GULP1: variants seen among roughly 807,000 people sequenced by gnomAD.
GULP1 encodes PTB domain-containing engulfment adapter protein 1.
Under a neutral mutation model 40.9 loss-of-function variants are expected in GULP1, and 19 were observed. The ratio of observed to expected loss-of-function variants is 0.46; its 90% CI spans 0.32 to 0.68. The LOEUF (loss-of-function observed/expected upper bound fraction) is 0.68. Ranked by LOEUF, GULP1 falls within the 30% of genes least tolerant of loss-of-function variation. GULP1 has a pLI of 0.03. For synonymous variants in GULP1, 119 were observed against 117.6 expected (o/e 1.01, Z -0.08); for missense variants, 312 against 362.2 (o/e 0.86, Z 1.12).
chr2:188,511,571 C>G (rs1028885433), intron 4 of GULP1, among the ~76,000 whole-genome samples: 1 of 152,098 alleles, frequency 6.6e-6, no homozygotes, highest in African/African-American at 2.4e-5. Flanking sequence ...GACAAAAACT[C>G]GCTGCTTCTT....
chr2:188,323,307 A>G (rs1336599844), intron 1 of GULP1, among the ~76,000 whole-genome samples: 1 of 152,066 alleles, frequency 6.6e-6, no homozygotes, highest in Non-Finnish European at 1.5e-5. Context: ...ATCTCAGCAC[A>G]GAAGAAAGGC....
chr2:188,542,381 G>A (rs181757153), intron 7 of GULP1, among the ~76,000 whole-genome samples: 1 of 152,182 alleles, frequency 6.6e-6, no homozygotes, highest in Non-Finnish European at 1.5e-5. Flanking sequence ...TCTAGTTTCA[G>A]TATTGAGCTT....
At chr2:188,308,958 G>A (rs1185406090) in intron 1 of GULP1, among the ~76,000 whole-genome samples, 2 of 152,026 alleles carry the variant, frequency 1.3e-5, no homozygotes, top group African/African-American at 2.4e-5. Flanking sequence ...ATTAGAGTTC[G>A]TGTGTCTCTG....
chr2:188,352,357 G>A (rs1574640874), intron 1 of GULP1, among the ~76,000 whole-genome samples: 1 of 152,038 alleles, frequency 6.6e-6, no homozygotes, highest in African/African-American at 2.4e-5. Context: ...CTGGCCTTCA[G>A]ACTTGGACTG....
rs538998832 is a variant in GULP1 at position 188,291,989 on chromosome 2, G to A, written c.-349G>A. On this transcript the variant is annotated 5_prime_UTR_variant, in exon 1 of 12. Transcript: ENST00000409830. ...GGAGGGGGGAGAGAGCGCGAAGAGG[G>A]AGGGGACCGAAGCTGGAGGGTCCCG... 2.0e-5 allele frequency: 3 copies of A among 152,398 alleles called. No individual in the cohort carries two copies. The East Asian group carries it at 5.8e-4, about 30-fold the overall frequency. 9.4% of individuals were successfully genotyped at this position (152,398 alleles called of 1,614,324 possible).
chr2:188,580,124 A>T (rs1228676338), intron 9 of GULP1, among the ~76,000 whole-genome samples: 1 of 152,226 alleles, frequency 6.6e-6, no homozygotes, highest in Non-Finnish European at 1.5e-5. Flanking sequence ...TTTCTCACAA[A>T]GAGCTTACAA....
chr2:188,570,250 G>C, intron 9 of GULP1, 130 bp downstream of exon 9: 1 of 580,312 alleles, frequency 1.7e-6, no homozygotes, highest in South Asian at 2.2e-5. Flanking sequence ...TAGAGATGAA[G>C]GCTGCTAAGC....
chr2:188,500,498 G>A (rs2063334394), intron 4 of GULP1, among the ~76,000 whole-genome samples: 2 of 151,872 alleles, frequency 1.3e-5, no homozygotes, highest in East Asian at 3.9e-4. Context: ...TGATTTAGGA[G>A]AGTAAAAAGA....
intron 9 of GULP1, among the ~76,000 whole-genome samples, chr2:188,579,494 C>A (rs1700847578): frequency 6.6e-6 from 1 of 151,948 alleles, no homozygotes. Flanking sequence ...AGGGTAATTG[C>A]AATATCCATC....
intron 2 of GULP1, among the ~76,000 whole-genome samples, chr2:188,408,549 T>C (rs560621908): frequency 3.3e-5 from 5 of 152,236 alleles, no homozygotes; most frequent in East Asian, 1.9e-4. Context: ...AAGAGAGAGA[T>C]AGACTGTAGT....
At chr2:188,543,208 A>T (rs1011745941) in intron 7 of GULP1, among the ~76,000 whole-genome samples, 29 of 152,288 alleles carry the variant, frequency 1.9e-4, no homozygotes, top group Non-Finnish European at 2.9e-4. Flanking sequence ...AATAAATAAA[A>T]AAAGATTGAA....
At chr2:188,319,243 T>G (rs1029992518) in intron 1 of GULP1, among the ~76,000 whole-genome samples, 2 of 151,948 alleles carry the variant, frequency 1.3e-5, no homozygotes, top group African/African-American at 4.8e-5. Context: ...TACACATGAA[T>G]GCATTCTTAT....
intron 2 of GULP1, among the ~76,000 whole-genome samples, chr2:188,395,877 C>A (rs376834813): frequency 6.6e-6 from 1 of 152,122 alleles, no homozygotes; most frequent in African/African-American, 2.4e-5. Context: ...AGGGGGGTAA[C>A]ATAGCCTCTG....
At chr2:188,507,710 TTACTC>T (rs906088617) in intron 4 of GULP1, among the ~76,000 whole-genome samples, 29 of 152,084 alleles carry the variant, frequency 1.9e-4, no homozygotes, top group African/African-American at 5.5e-4. Context: ...GTTAAGTGGT[TTACTC>T]TAATCTTCAG....
chr2:188,397,822 C>A (rs771198346), intron 2 of GULP1, among the ~76,000 whole-genome samples: 65 of 152,190 alleles, frequency 4.3e-4, no homozygotes, highest in Non-Finnish European at 1.5e-4. Context: ...AAGCTGTCTT[C>A]CTCATGAACA....
chr2:188,533,906 A>T (rs1688219033), intron 6 of GULP1, among the ~76,000 whole-genome samples: 1 of 152,208 alleles, frequency 6.6e-6, no homozygotes, highest in South Asian at 2.1e-4. Flanking sequence ...TAATCAAAGA[A>T]ATTAAAATCA....
chr2:188,500,971 T>A (rs1463139924), intron 4 of GULP1, among the ~76,000 whole-genome samples: 2 of 151,938 alleles, frequency 1.3e-5, no homozygotes, highest in African/African-American at 2.4e-5. Flanking sequence ...TGCTTAAAAT[T>A]TGTCAGGCAT....
intron 2 of GULP1, among the ~76,000 whole-genome samples, chr2:188,390,104 TTG>T (rs1053108837): frequency 1.3e-5 from 2 of 152,118 alleles, no homozygotes; most frequent in African/African-American, 4.8e-5. Flanking sequence ...AGGTGTCTTT[TTG>T]TTATGACTTC....
At chr2:188,317,411 G>T (rs1348557333) in intron 1 of GULP1, among the ~76,000 whole-genome samples, 2 of 152,110 alleles carry the variant, frequency 1.3e-5, no homozygotes, top group East Asian at 3.8e-4. Context: ...TTGATGATCT[G>T]GGGAGTCTAA....
Sources: gnomAD v4.1 joint callset for allele counts (sites outside exome capture counted in the v4.1 genomes callset) on GRCh38, gnomAD v4.1.1 for gene constraint, MANE v1.5 for transcripts, NCBI Gene and HGNC (gene_info 2026-07-23, HGNC 2026-07-21) for gene names.